The following SUDS3 variants were observed in gnomAD, a reference collection of about 807,000 sequenced individuals.
The protein encoded by SUDS3 is SIN3A corepressor complex component SDS3.
A neutral mutation model predicts 53.5 loss-of-function variants in SUDS3; 23 were observed. The observed-to-expected ratio is 0.43, with a 90% CI of 0.31 to 0.61. The LOEUF (loss-of-function observed/expected upper bound fraction) is 0.61. Among genes scored for constraint, SUDS3 ranks in the 20% least tolerant of loss-of-function variants. The pLI, the probability that SUDS3 is intolerant of heterozygous loss-of-function variation, is 0.10. For missense variants in SUDS3, 291 were observed against 405.9 expected, an observed-to-expected ratio of 0.72 and a Z score of 2.43; for synonymous variants, 150 against 148.5, an observed-to-expected ratio of 1.01 and a Z score of -0.08.
chr12:118,404,748 TATC>T (rs1012415609), intron 10 of SUDS3, among the ~76,000 whole-genome samples: 1 of 148,880 alleles, frequency 6.7e-6, no homozygotes, highest in Non-Finnish European at 1.5e-5. Context: ...GGTGTCTCAT[TATC>T]ATTTATAATG....
At chr12:118,394,639 G>A (rs17440956) in intron 6 of SUDS3, among the ~76,000 whole-genome samples, 16,111 of 152,212 alleles carry the variant, frequency 0.11, 1,120 homozygotes, top group Middle Eastern at 0.17. Context: ...AATGTGTTGA[G>A]ATGGAGGGCC....
chr12:118,396,704 A>G (rs940965933), intron 6 of SUDS3, among the ~76,000 whole-genome samples: 1 of 152,268 alleles, frequency 6.6e-6, no homozygotes, highest in Admixed American at 6.5e-5. Flanking sequence ...GCTGTTGGAA[A>G]TGAATGAATG....
intron 6 of SUDS3, among the ~76,000 whole-genome samples, chr12:118,400,005 G>T (rs1346546995): frequency 6.6e-6 from 1 of 152,078 alleles, no homozygotes; most frequent in South Asian, 2.1e-4. Context: ...CTCCTTGTGC[G>T]CCACCTCTTG....
In SUDS3 at chr12:118,401,783, A is replaced by T. The variant is rs1362645207; in HGVS notation, c.638A>T (p.Asp213Val). Residue 213 changes from aspartate (D) to valine (V), a missense_variant, in exon 8 of 12, where the codon GAT (aspartate) becomes GTT (valine). Asp to Val is a radical substitution (Grantham distance 152, BLOSUM62 -3). This residue lies in a region of SUDS3 where 55 missense variants were observed against 124.2 expected (regional missense o/e 0.44). Coordinates refer to ENST00000543473, the MANE Select transcript of SUDS3 (RefSeq NM_022491.3). ...APAQLNYLLT[D>V]EQIMEDLRTL... ...CCCCAGCTAAACTATTTGTTAACAG[A>T]TGAACAGATCATGGAGGATCTGAGA... 1 of 1,613,886 alleles carries T rather than the reference A, an allele frequency of 6.2e-7. No individual in the cohort carries two copies. Among genetic ancestry groups the T allele is most frequent in the South Asian group, 1.1e-5 (1 of 91,076 alleles).
chr12:118,408,478 C>A (rs761078446), intron 10 of SUDS3, among the ~76,000 whole-genome samples: 1 of 152,018 alleles, frequency 6.6e-6, no homozygotes, highest in East Asian at 1.9e-4. Flanking sequence ...GGATTACAAG[C>A]GCACACCACC....
chr12:118,384,007 T>A lies in SUDS3; in HGVS notation c.213-5T>A, dbSNP rs763867820. ...TCTGTTAGTGTGACTTTTTTTTTTT[T>A]ATAGGATGTATCAGGACAAACTGGC... On this transcript the variant is annotated splice_polypyrimidine_tract_variant and splice_region_variant and intron_variant, in intron 2 of 11. Coordinates refer to ENST00000543473, the MANE Select transcript of SUDS3 (RefSeq NM_022491.3). 45 of 1,606,984 alleles carry A rather than the reference T, an allele frequency of 2.8e-5. No individual in the cohort carries two copies. The highest frequency in any genetic ancestry group is 1.1e-4 in the African/African-American group (8 of 74,226).
At position 118,402,182 on chromosome 12, in the gene SUDS3, T is replaced by C. The variant is rs1329768086; in HGVS notation, c.697+178T>C. Reference sequence around the variant, plus strand: ...AACTATACCCCTCCCTGATTTCTTTTTTTTTCATAACCCCTGCTTTGTTGT... The same window carrying C: ...AACTATACCCCTCCCTGATTTCTTTCTTTTTCATAACCCCTGCTTTGTTGT... On this transcript the variant is annotated intron_variant, in intron 9 of 11. Coordinates refer to ENST00000543473, the MANE Select transcript of SUDS3 (RefSeq NM_022491.3). The C allele has an allele frequency of 6.5e-6, 4 of 616,466 alleles. No individual in the cohort carries two copies. The South Asian group carries it at 6.8e-5, about 10-fold the overall frequency. The allele number at this position is 616,466 out of a possible 1,614,324, so 38.2% of individuals were successfully genotyped here.
chr12:118,401,739 A>G lies in SUDS3; in HGVS notation c.614-20A>G. The G allele has an allele frequency of 6.2e-7, 1 of 1,608,090 alleles. No homozygotes were observed. The highest frequency in any genetic ancestry group is 8.5e-7 in the Non-Finnish European group (1 of 1,174,640). On this transcript the variant is annotated intron_variant, in intron 7 of 11. Transcript: ENST00000543473. ...CCTGGAAACTGTACTTTTCACATAC[A>G]GTCCTTTAACTCTCAACACCCCAGC... is the stretch of plus-strand genomic sequence containing the variant.
At chr12:118,385,222 C>T (rs1171657241) in intron 3 of SUDS3, among the ~76,000 whole-genome samples, 5 of 152,186 alleles carry the variant, frequency 3.3e-5, no homozygotes, top group East Asian at 1.9e-4. Flanking sequence ...GATTCTCCTG[C>T]GTCAGCCTCC....
At chr12:118,412,763 TC>T (rs143166239) in intron 11 of SUDS3, among the ~76,000 whole-genome samples, 17,486 of 152,210 alleles carry the variant, frequency 0.11, 1,271 homozygotes, top group Middle Eastern at 0.19. Context: ...AGATTGTTTT[TC>T]CCCTCTCTCT....
intron 6 of SUDS3, among the ~76,000 whole-genome samples, chr12:118,393,686 T>G (rs1029714486): frequency 2.0e-5 from 3 of 151,752 alleles, no homozygotes; most frequent in Middle Eastern, 3.2e-3. Flanking sequence ...TTAATTTTTT[T>G]TTGAGACCAA....
intron 10 of SUDS3, among the ~76,000 whole-genome samples, chr12:118,405,899 G>A (rs561594326): frequency 2.0e-5 from 3 of 152,278 alleles, no homozygotes; most frequent in African/African-American, 7.2e-5. Flanking sequence ...TTTCCAGAGG[G>A]TATGGAGTAT....
intron 10 of SUDS3, among the ~76,000 whole-genome samples, chr12:118,407,608 A>G (rs1040899985): frequency 6.6e-6 from 1 of 152,112 alleles, no homozygotes; most frequent in Non-Finnish European, 1.5e-5. Flanking sequence ...AATACAATGC[A>G]TCTCATGAGA....
In SUDS3 at chr12:118,401,996, A is replaced by G. The variant is rs1189790588; in HGVS notation, c.689A>G (p.Lys230Arg). 3 of 1,613,854 alleles carry G rather than the reference A, an allele frequency of 1.9e-6. No individual in the cohort carries two copies. The highest frequency in any genetic ancestry group is 2.2e-5 in the South Asian group (2 of 91,090). Residue 230 changes from lysine (K) to arginine (R), a missense_variant, in exon 9 of 12, where the codon AAG becomes AGG. Lys to Arg is a conservative substitution (Grantham distance 26). Transcript: ENST00000543473. ...LRTLNKLKSP[K>R]RPASPSSPEH... Reference sequence around the variant, plus strand: ...TTCTTCCTACAGCTTAAGTCACCCAAGAGACCAGGTGAGTGCATGATGTGT... The same window carrying G: ...TTCTTCCTACAGCTTAAGTCACCCAGGAGACCAGGTGAGTGCATGATGTGT...
chr12:118,384,327 A>G (rs2046094638), intron 3 of SUDS3, among the ~76,000 whole-genome samples: 1 of 152,232 alleles, frequency 6.6e-6, no homozygotes. Flanking sequence ...TGGAGCACGA[A>G]TTGAACGCCA....
In SUDS3 at chr12:118,415,678, C is replaced by G. The variant is rs990205954; in HGVS notation, c.*1245C>G. 2.0e-5 allele frequency: 3 copies of G among 152,116 alleles called. No homozygotes were observed. Among genetic ancestry groups the G allele is most frequent in the Non-Finnish European group, 2.9e-5 (2 of 68,006 alleles). The allele number at this position is 152,116 out of a possible 1,614,324, so 9.4% of individuals were successfully genotyped here. ...AACTGTTAGCGTCTCTATGAGCAATCAGTAGAACTTACACATCCTAGGAAA... is the reference window on the plus strand; with the variant it reads ...AACTGTTAGCGTCTCTATGAGCAATGAGTAGAACTTACACATCCTAGGAAA... On this transcript the variant is annotated 3_prime_UTR_variant, in exon 12 of 12. Transcript: ENST00000543473.
chr12:118,414,278 G>A, intron 11 of SUDS3, 57 bp from the exon 12 acceptor site: 1 of 1,272,168 alleles, frequency 7.9e-7, no homozygotes, highest in Admixed American at 2.1e-5. Flanking sequence ...GATGGTGTAG[G>A]AGATTTGCTC....
chr12:118,401,003 A>ACATCATGCAAAGCCTG (rs2046258419), intron 7 of SUDS3, among the ~76,000 whole-genome samples: 1 of 152,182 alleles, frequency 6.6e-6, no homozygotes, highest in Non-Finnish European at 1.5e-5. Flanking sequence ...TTGCATGCAA[A>ACATCATGCAAAGCCTG]GTTCAGCCTG....
intron 9 of SUDS3, 126 bp downstream of exon 9, chr12:118,402,130 G>C: frequency 2.7e-6 from 3 of 1,098,852 alleles, no homozygotes; most frequent in Non-Finnish European, 4.1e-6. Flanking sequence ...CCTAAGAGTA[G>C]TCATCATGAA....
Sources: gnomAD v4.1 joint callset for allele counts (sites outside exome capture counted in the v4.1 genomes callset) on GRCh38, gnomAD v4.1.1 for gene constraint, gnomAD v4.1.1 regional missense constraint, MANE v1.5 for transcripts, NCBI Gene and HGNC (gene_info 2026-07-23, HGNC 2026-07-21) for gene names.